ARFGEF2: variants seen among roughly 807,000 people sequenced by gnomAD.
ARFGEF2 encodes brefeldin A-inhibited guanine nucleotide-exchange protein 2.
A neutral mutation model predicts 219.9 loss-of-function variants in ARFGEF2; 74 were observed. The observed-to-expected ratio is 0.34, with a 90% confidence interval of 0.28 to 0.41. The LOEUF (loss-of-function observed/expected upper bound fraction) is 0.41. ARFGEF2 is among the 10% of genes least tolerant of loss of function. The pLI, the probability that ARFGEF2 is intolerant of heterozygous loss-of-function variation, is 1.00. For missense variants in ARFGEF2, 1,743 were observed against 2,218.3 expected, an observed-to-expected ratio of 0.79 and a Z score of 4.30; for synonymous variants, 733 against 799.2, an observed-to-expected ratio of 0.92 and a Z score of 1.40.
At position 49,023,147 on chromosome 20, in the gene ARFGEF2, A is replaced by G. The variant is rs763938732; in HGVS notation, c.4721A>G (p.Lys1574Arg). 4 of 1,614,066 alleles carry G rather than the reference A, an allele frequency of 2.5e-6. No homozygotes were observed. The Admixed American group carries it at 6.7e-5, about 27-fold the overall frequency. The change falls in exon 35 of 39, where the codon AAA (lysine) becomes AGA (arginine). Residue 1574 changes from lysine (K) to arginine (R), a missense_variant. By Grantham distance (26) the Lys-to-Arg change is conservative. Around this residue, in one of 5 missense-constraint regions of ARFGEF2, gnomAD observed 578 missense variants for 664.0 expected, o/e 0.87. Coordinates refer to ENST00000371917, the MANE Select transcript of ARFGEF2 (RefSeq NM_006420.3). ...DNIVFYPATS[K>R]KEDAEHMVAA... ...ATTGTGTTCTACCCTGCGACGAGCA[A>G]AAAGGAGGATGCAGAGCACATGGTT... is the stretch of plus-strand genomic sequence containing the variant.
chr20:49,032,720 T>A (rs951497382), intron 38 of ARFGEF2, among the ~76,000 whole-genome samples: 2 of 151,682 alleles, frequency 1.3e-5, no homozygotes, highest in Non-Finnish European at 2.9e-5. Context: ...GCCTCCTGAG[T>A]AGCTGGGACC....
chr20:49,014,012 C>G, intron 30 of ARFGEF2, 52 bp downstream of exon 30: 1 of 1,611,138 alleles, frequency 6.2e-7, no homozygotes, highest in Non-Finnish European at 8.5e-7. Flanking sequence ...GAAAGCCTTT[C>G]TGGCCGGTAT....
rs117144248 is a variant in ARFGEF2 at position 48,951,877 on chromosome 20, T to C, written c.423+408T>C. ...TGGCACAGATAGTACCATCTGCTTG[T>C]CTGAGAACAGGATCAGGACAGGTGT... On this transcript the variant is annotated intron_variant, in intron 4 of 38. Coordinates refer to ENST00000371917, the MANE Select transcript of ARFGEF2 (RefSeq NM_006420.3). Among the ~76,000 whole-genome samples, 4 of 152,248 alleles carry C rather than the reference T, an allele frequency of 2.6e-5. No homozygotes were observed. The East Asian group carries it at 7.7e-4, about 29-fold the overall frequency.
rs548726035 is a variant in ARFGEF2 at position 48,976,666 on chromosome 20, G to T, written c.1958+467G>T. On this transcript the variant is annotated intron_variant, in intron 14 of 38. Coordinates refer to ENST00000371917, the MANE Select transcript of ARFGEF2 (RefSeq NM_006420.3). ...TACTAAAAATACAAAAAATTAGCCG[G>T]GCGTGGTGGCGGGTGCCTGTAGTCC... 3.3e-5 allele frequency among the ~76,000 whole-genome samples: 5 copies of T among 152,136 alleles called. No homozygotes were observed. In the East Asian group the frequency reaches 9.7e-4, roughly 29 times the overall value.
At chr20:48,936,490 G>T (rs976502313) in intron 1 of ARFGEF2, among the ~76,000 whole-genome samples, 1 of 150,838 alleles carries the variant, frequency 6.6e-6, no homozygotes, top group South Asian at 2.1e-4. Flanking sequence ...CTCACTTCTC[G>T]GACGGGGCGG....
At chr20:48,989,746 A>G in intron 20 of ARFGEF2, 62 bp downstream of exon 20, 1 of 1,608,648 alleles carries the variant, frequency 6.2e-7, no homozygotes, top group Non-Finnish European at 8.5e-7. Flanking sequence ...AGATTTGGCA[A>G]AACTTAGAAA....
At chr20:48,956,696 C>T (rs1187367505) in intron 6 of ARFGEF2, among the ~76,000 whole-genome samples, 4 of 152,190 alleles carry the variant, frequency 2.6e-5, no homozygotes, top group Admixed American at 6.5e-5. Flanking sequence ...TCCCCTGCCT[C>T]AGCCTCCCGA....
chr20:48,991,286 T>G, intron 21 of ARFGEF2, 88 bp downstream of exon 21: 1 of 1,571,246 alleles, frequency 6.4e-7, no homozygotes, highest in Non-Finnish European at 8.7e-7. Flanking sequence ...GTCAGTTCTG[T>G]TTTTCTTGAA....
intron 1 of ARFGEF2, among the ~76,000 whole-genome samples, chr20:48,936,039 C>T (rs1451170151): frequency 6.9e-6 from 1 of 145,550 alleles, no homozygotes; most frequent in Non-Finnish European, 1.5e-5. Context: ...AGAGGCGCCC[C>T]TCACTTCCCG....
At chr20:48,943,196 G>C (rs2091004938) in intron 3 of ARFGEF2, among the ~76,000 whole-genome samples, 2 of 152,160 alleles carry the variant, frequency 1.3e-5, no homozygotes, top group South Asian at 4.1e-4. Context: ...GTGTTGCCTT[G>C]TTTGACCTCA....
intron 3 of ARFGEF2, among the ~76,000 whole-genome samples, chr20:48,946,413 G>A (rs2091027144): frequency 6.6e-6 from 1 of 151,812 alleles, no homozygotes; most frequent in Non-Finnish European, 1.5e-5. Flanking sequence ...GTGTAAGGGG[G>A]GTTAAGGTCA....
chr20:48,941,346 A>C, intron 2 of ARFGEF2, 117 bp downstream of exon 2: 1 of 1,085,184 alleles, frequency 9.2e-7, no homozygotes, highest in Non-Finnish European at 1.4e-6. Context: ...GGTGGCACAC[A>C]CTCTGCAAGC....
intron 23 of ARFGEF2, among the ~76,000 whole-genome samples, chr20:48,997,635 C>G (rs1402396803): frequency 6.6e-6 from 1 of 152,178 alleles, no homozygotes; most frequent in Non-Finnish European, 1.5e-5. Flanking sequence ...GCTTTCAACT[C>G]AGTTCACTTT....
intron 1 of ARFGEF2, among the ~76,000 whole-genome samples, chr20:48,940,256 G>A (rs1369834364): frequency 6.6e-6 from 1 of 152,172 alleles, no homozygotes; most frequent in Non-Finnish European, 1.5e-5. Context: ...ACGTGCCTTA[G>A]CACAATGTGA....
intron 26 of ARFGEF2, 79 bp from the exon 27 acceptor site, chr20:49,010,153 T>G: frequency 6.5e-7 from 1 of 1,528,720 alleles, no homozygotes; most frequent in Non-Finnish European, 8.9e-7. Flanking sequence ...TAAGTGCTGC[T>G]TCTAAGGGAT....
chr20:49,026,015 G>A (rs962671857), intron 36 of ARFGEF2, among the ~76,000 whole-genome samples: 1 of 151,426 alleles, frequency 6.6e-6, no homozygotes, highest in Non-Finnish European at 1.5e-5. Flanking sequence ...TTGAAAGTTG[G>A]AGAATTGAAT....
rs2091345914 is a variant in ARFGEF2 at position 48,989,634 on chromosome 20, T to G, written c.2764T>G (p.Leu922Val). Residue 922 changes from leucine to valine, a missense_variant, in exon 20 of 39, where the codon TTG (leucine) becomes GTG (valine). By Grantham distance (32) the Leu-to-Val change is conservative. This residue lies in a region of ARFGEF2 where 666 missense variants were observed against 955.4 expected (regional missense o/e 0.70). Coordinates refer to ENST00000371917, the MANE Select transcript of ARFGEF2 (RefSeq NM_006420.3). ...TGACACTGAAGTGGCCTCCTTGTGT[T>G]TGGAAGGCATCCGATGTGCAATCCG... ...CDDTEVASLC[L>V]EGIRCAIRIA... The G allele has an allele frequency of 6.2e-7, 1 of 1,614,206 alleles. No homozygotes were observed. The highest frequency in any genetic ancestry group is 8.5e-7 in the Non-Finnish European group (1 of 1,180,030).
intron 1 of ARFGEF2, among the ~76,000 whole-genome samples, chr20:48,926,388 G>T (rs1465883634): frequency 6.6e-6 from 1 of 152,002 alleles, no homozygotes; most frequent in Non-Finnish European, 1.5e-5. Context: ...TTAATTAGGG[G>T]CTAATGGAAA....
Position 48,922,013 on chromosome 20 carries a change from G to A in ARFGEF2, c.121+3G>A. ...CAGGGCCTGCCAGGTGGCGCTCGGTGGGTGAGCCGCTCCCGCCCTGCCCCG... is the reference window on the plus strand; with the variant it reads ...CAGGGCCTGCCAGGTGGCGCTCGGTAGGTGAGCCGCTCCCGCCCTGCCCCG... On this transcript the variant is annotated splice_donor_region_variant and intron_variant, in intron 1 of 38. Transcript: ENST00000371917. The A allele has an allele frequency of 6.3e-7, 1 of 1,576,540 alleles. No homozygotes were observed. The highest frequency in any genetic ancestry group is 1.2e-5 in the South Asian group (1 of 85,952).
Sources: allele counts gnomAD v4.1 joint callset (sites outside exome capture counted in the v4.1 genomes callset), GRCh38; gene constraint gnomAD v4.1.1; regional missense constraint gnomAD v4.1.1; transcripts MANE v1.5; gene names NCBI Gene and HGNC (gene_info 2026-07-23, HGNC 2026-07-21).